PAX2: variants seen among roughly 807,000 people sequenced by gnomAD.
PAX2 encodes paired box protein Pax-2.
A neutral mutation model predicts 41.7 loss-of-function variants in PAX2; 9 were observed. The ratio of observed to expected loss-of-function variants is 0.22; its 90% CI spans 0.13 to 0.38. The LOEUF is 0.38. PAX2 is among the 10% of genes least tolerant of loss of function. PAX2 has a pLI of 1.00. For missense variants in PAX2, 418 were observed against 531.6 expected, an observed-to-expected ratio of 0.79 and a Z score of 2.10; for synonymous variants, 221 against 212.7, an observed-to-expected ratio of 1.04 and a Z score of -0.34.
chr10:100,782,709 C>T (rs1164057009), intron 5 of PAX2, among the ~76,000 whole-genome samples: 2 of 152,266 alleles, frequency 1.3e-5, no homozygotes, highest in East Asian at 1.9e-4. Flanking sequence ...ATATCCAAAC[C>T]GATTTGGCCG....
At position 100,748,785 on chromosome 10, in the gene PAX2, G is replaced by A. The variant is rs986868313; in HGVS notation, c.44-961G>A. The A allele has an allele frequency of 1.1e-5, 11 of 966,280 alleles. No individual in the cohort carries two copies. The South Asian group carries it at 2.9e-4, about 25-fold the overall frequency. The allele number at this position is 966,280 out of a possible 1,614,324, so 59.9% of individuals were successfully genotyped here. On this transcript the variant is annotated intron_variant, in intron 1 of 9. Transcript: ENST00000355243. The surrounding 1 kb of genome is among the most constrained non-coding windows in gnomAD (Gnocchi z 5.0). ...AAAAGCCCGAGCCGCTCGGTTTCCT[G>A]GGGGGGCTGCCGAGGTCTGAGGGGT...
chr10:100,743,347 G>T (rs945262262), upstream of PAX2, among the ~76,000 whole-genome samples: 1 of 152,178 alleles, frequency 6.6e-6, no homozygotes, highest in Admixed American at 6.5e-5. Context: ...AATGCTTGTT[G>T]TGGGCACCCA....
At chr10:100,739,201 C>T (rs1317269949) in intron 1 of PAX2, among the ~76,000 whole-genome samples, 1 of 152,148 alleles carries the variant, frequency 6.6e-6, no homozygotes, top group Non-Finnish European at 1.5e-5. Flanking sequence ...GGTCCCACGA[C>T]GCCCCTTTCC....
rs971981635 is a variant in PAX2, at chr10:100,750,463, A to C, written c.213-231A>C. ...TGCCTATTTGGGCTGGTGCGAACCC[A>C]GCCCCTGGTGTGGCCGTCTCCCTGG... On this transcript the variant is annotated intron_variant, in intron 2 of 9. Transcript: ENST00000355243. This position sits in a 1 kb window ranked among gnomAD's most constrained non-coding sequence, Gnocchi z 4.1. Among the ~76,000 whole-genome samples, 7 of 152,214 alleles carry C rather than the reference A, an allele frequency of 4.6e-5. No homozygotes were observed. The highest frequency in any genetic ancestry group is 1.7e-4 in the African/African-American group (7 of 41,538).
intron 3 of PAX2, among the ~76,000 whole-genome samples, chr10:100,767,456 C>A (rs527631085): frequency 1.3e-5 from 2 of 152,246 alleles, no homozygotes; most frequent in South Asian, 4.2e-4. Context: ...TTTAATAAGA[C>A]TTCGCTGTTA....
chr10:100,808,778 C>T (rs867364583), intron 6 of PAX2, among the ~76,000 whole-genome samples: 2 of 152,162 alleles, frequency 1.3e-5, no homozygotes, highest in African/African-American at 2.4e-5. Flanking sequence ...CAAGGCTCCT[C>T]GACATCCCAT....
Position 100,750,979 on chromosome 10 carries a change from G to T in PAX2, c.410+88G>T. The T allele has an allele frequency of 1.9e-6, 2 of 1,030,938 alleles. No individual in the cohort carries two copies. Among genetic ancestry groups the T allele is most frequent in the Non-Finnish European group, 3.0e-6 (2 of 660,016 alleles). The allele number at this position is 1,030,938 out of a possible 1,614,324, so 63.9% of individuals were successfully genotyped here. A position where few individuals can be genotyped will look rare whatever the true frequency, so the allele number is the denominator to read the frequency against. The stretch of plus-strand genomic sequence containing the variant: ...GTCCCACGCCCAGTCTCTGCTCTTT[G>T]TCCAGCCTCTGCCCTTTCTCCCTGC... On this transcript the variant is annotated intron_variant, in intron 3 of 9. Coordinates refer to ENST00000355243, the MANE Select transcript of PAX2 (RefSeq NM_000278.5). The surrounding 1 kb of genome is among the most constrained non-coding windows in gnomAD (Gnocchi z 4.1).
At chr10:100,808,479 C>T (rs1016591082) in intron 6 of PAX2, among the ~76,000 whole-genome samples, 16 of 152,268 alleles carry the variant, frequency 1.1e-4, no homozygotes, top group African/African-American at 2.6e-4. Context: ...CTGGCTTGGC[C>T]GTGGCTGCAA....
chr10:100,747,578 G>C, intron 1 of PAX2: 1 of 980,790 alleles, frequency 1.0e-6, no homozygotes, highest in Non-Finnish European at 1.2e-6. Flanking sequence ...GGAAACTTTA[G>C]ACCCGGCTTG....
chr10:100,777,179 GC>G (rs1846423279), intron 3 of PAX2, among the ~76,000 whole-genome samples: 1 of 145,282 alleles, frequency 6.9e-6, no homozygotes, highest in African/African-American at 2.6e-5. Flanking sequence ...TCAGCTCACT[GC>G]AACCTCCGCC....
intron 5 of PAX2, among the ~76,000 whole-genome samples, chr10:100,800,476 T>A (rs1452016346): frequency 6.6e-6 from 1 of 152,106 alleles, no homozygotes. Flanking sequence ...AGTCTCGCTA[T>A]GTTGCCCAGG....
chr10:100,774,321 T>C (rs1846311367), intron 3 of PAX2, among the ~76,000 whole-genome samples: 1 of 152,168 alleles, frequency 6.6e-6, no homozygotes. Context: ...CCACCTGCCC[T>C]GTCATCCTTT....
chr10:100,800,273 C>CTTTTTTTTTT (rs59487758), intron 5 of PAX2, among the ~76,000 whole-genome samples: 3 of 108,384 alleles, frequency 2.8e-5, no homozygotes, highest in Non-Finnish European at 5.2e-5. Flanking sequence ...TCTTTTCTTT[C>CTTTTTTTTTT]TTTTTTTTTT....
At chr10:100,772,072 T>G (rs1469772803) in intron 3 of PAX2, among the ~76,000 whole-genome samples, 1 of 151,810 alleles carries the variant, frequency 6.6e-6, no homozygotes, top group Non-Finnish European at 1.5e-5. Context: ...CCCAAAGTGT[T>G]GTGATTACAG....
At chr10:100,789,298 G>A (rs1001950564) in intron 5 of PAX2, among the ~76,000 whole-genome samples, 5 of 152,150 alleles carry the variant, frequency 3.3e-5, no homozygotes, top group African/African-American at 9.7e-5. Flanking sequence ...TAGAGACAGG[G>A]TTTCACCATG....
intron 3 of PAX2, among the ~76,000 whole-genome samples, chr10:100,767,734 T>A (rs1286700910): frequency 6.6e-6 from 1 of 152,194 alleles, no homozygotes; most frequent in Admixed American, 6.5e-5. Flanking sequence ...GGCTCCTGAA[T>A]AAAGTCCCAG....
At chr10:100,757,258 G>A (rs1845667774) in intron 3 of PAX2, among the ~76,000 whole-genome samples, 2 of 152,238 alleles carry the variant, frequency 1.3e-5, no homozygotes, top group South Asian at 4.1e-4. Context: ...ATGACCTGCA[G>A]TCACAGGCAA....
At position 100,791,936 on chromosome 10, in the gene PAX2, G is replaced by A. The variant is rs1847135695; in HGVS notation, c.616+10571G>A. ...AGCCGCCTGGGTGAGGGACAGTGTG[G>A]GTGGTCTTGGGCAGTGGGTATGTGG... On this transcript the variant is annotated intron_variant, in intron 5 of 9. Coordinates refer to ENST00000355243, the MANE Select transcript of PAX2 (RefSeq NM_000278.5). This position sits in a 1 kb window ranked among gnomAD's most constrained non-coding sequence, Gnocchi z 4.5. 6.6e-6 allele frequency among the ~76,000 whole-genome samples: 1 copy of A among 152,194 alleles called. No homozygotes were observed. The highest frequency in any genetic ancestry group is 6.5e-5 in the Admixed American group (1 of 15,280).
rs2133989444 is a variant in PAX2, at chr10:100,826,986, C to G, written c.1022-23C>G. The G allele has an allele frequency of 6.4e-7, 1 of 1,574,558 alleles. No homozygotes were observed. The highest frequency in any genetic ancestry group is 1.7e-4 in the Middle Eastern group (1 of 6,008). On this transcript the variant is annotated intron_variant, in intron 8 of 9. Transcript: ENST00000355243. This position sits in a 1 kb window ranked among gnomAD's most constrained non-coding sequence, Gnocchi z 5.5. ...CGCCCTGGCTTGCAGGCGTCTGATC[C>G]CCACTCCCCGACCCTCCCGCAGGGA...
Sources: gnomAD v4.1 joint callset for allele counts (sites outside exome capture counted in the v4.1 genomes callset) on GRCh38, gnomAD v4.1.1 for gene constraint, Gnocchi (gnomAD v3.1) non-coding constraint, MANE v1.5 for transcripts, NCBI Gene and HGNC (gene_info 2026-07-23, HGNC 2026-07-21) for gene names.